NRL: variants seen among roughly 807,000 people sequenced by gnomAD.
NRL encodes neural retina-specific leucine zipper protein.
In NRL, 16 loss-of-function variants were observed where a neutral mutation model predicts 12.5. That is an observed-to-expected ratio of 1.28 (90% CI 0.87 to 1.95). NRL has a LOEUF of 1.95. Among genes scored for constraint, NRL ranks in the 30% most tolerant of loss-of-function variants. The pLI is 0.00. For missense variants in NRL, 314 were observed against 325.8 expected (o/e 0.96, Z 0.28); for synonymous variants, 142 against 150.9 (o/e 0.94, Z 0.43).
chr14:24,114,572 C>T (rs565325566), intron 1 of NRL, 150 bp downstream of exon 1: 2 of 644,962 alleles, frequency 3.1e-6, no homozygotes, highest in East Asian at 2.7e-4. Context: ...CTTTTTTAAG[C>T]CCCGCCTCTC....
chr14:24,113,600 G>A (rs955785737), intron 1 of NRL, among the ~76,000 whole-genome samples: 1 of 152,186 alleles, frequency 6.6e-6, no homozygotes, highest in Non-Finnish European at 1.5e-5. Flanking sequence ...AAAATACCAG[G>A]CACTTGCTTT....
chr14:24,103,050 T>C (rs2037227542), intron 1 of NRL: 20 of 1,193,598 alleles, frequency 1.7e-5, no homozygotes, highest in Non-Finnish European at 2.5e-5. Flanking sequence ...GGTCTGAAAA[T>C]GGGATAGCCG....
Position 24,079,079 on chromosome 14 carries a change from G to A in NRL, c.*2157C>T, listed in dbSNP as rs908573862. Among the ~76,000 whole-genome samples the A allele has an allele frequency of 2.0e-5, 3 of 152,236 alleles. No homozygotes were observed. The highest frequency in any genetic ancestry group is 3.4e-3 in the Middle Eastern group (1 of 294). On this transcript the variant is annotated 3_prime_UTR_variant, in exon 3 of 3. Coordinates refer to ENST00000561028, the MANE Select transcript of NRL (RefSeq NM_001354768.3). ...TGGGATTACAGGCAGGAACCACTGC[G>A]CCCCACCTAAAGCACTACTCTTAAT...
In NRL at chr14:24,094,537, C is replaced by A; in HGVS notation, c.-27-11662G>T. 1 of 1,441,276 alleles carries A rather than the reference C, an allele frequency of 6.9e-7. No individual in the cohort carries two copies. The highest frequency in any genetic ancestry group is 1.5e-5 in the South Asian group (1 of 68,850). The allele number at this position is 1,441,276 out of a possible 1,614,324, so 89.3% of individuals were successfully genotyped here. On this transcript the variant is annotated intron_variant, in intron 1 of 2. Coordinates refer to ENST00000561028, the MANE Select transcript of NRL (RefSeq NM_001354768.3). This position sits in a 1 kb window ranked among gnomAD's most constrained non-coding sequence, Gnocchi z 4.1. ...TGCTCTCAGCCTCCGCCAGGTTTCC[C>A]ATCCTAGGCGGAGGCGGGCAGGGGC... is the stretch of plus-strand genomic sequence containing the variant.
chr14:24,114,723 T>G lies in NRL; in HGVS notation c.-29A>C, dbSNP rs2037497474. The G allele has an allele frequency of 1.0e-6, 1 of 985,878 alleles. No individual in the cohort carries two copies. Among genetic ancestry groups the G allele is most frequent in the Admixed American group, 6.1e-5 (1 of 16,272 alleles). The allele number at this position is 985,878 out of a possible 1,614,324, so 61.1% of individuals were successfully genotyped here. A position where few individuals can be genotyped will look rare whatever the true frequency, so the allele number is the denominator to read the frequency against. On this transcript the variant is annotated splice_region_variant and 5_prime_UTR_variant, in exon 1 of 3. Transcript: ENST00000561028. Reference sequence around the variant, plus strand: ...CACCTCGCGCATTCTCCCGCCTACCTATCAATCATCGTGCTCCGCTGTCCA... The same window carrying G: ...CACCTCGCGCATTCTCCCGCCTACCGATCAATCATCGTGCTCCGCTGTCCA...
chr14:24,099,518 T>C lies in NRL; in HGVS notation c.-28+15204A>G, dbSNP rs968505082. ...CCCATGCAGACCATGCCCTGACTTTTGGTGACCTCTTTCTTATTCCCTCTC... is the reference window on the plus strand; with the variant it reads ...CCCATGCAGACCATGCCCTGACTTTCGGTGACCTCTTTCTTATTCCCTCTC... On this transcript the variant is annotated intron_variant, in intron 1 of 2. Transcript: ENST00000561028. The C allele has an allele frequency of 3.9e-6, 6 of 1,541,416 alleles. No individual in the cohort carries two copies. In the African/African-American group the frequency reaches 8.3e-5, roughly 21 times the overall value.
In NRL at chr14:24,098,177, C is replaced by A. The variant is rs200451953; in HGVS notation, c.-27-15302G>T. The A allele has an allele frequency of 6.1e-4, 951 of 1,570,714 alleles. 1 individual carries two copies. The highest frequency in any genetic ancestry group is 8.0e-4 in the Non-Finnish European group (921 of 1,153,402). ...ACAAGGGAAACCTGCTGGCCACCAT[C>A]TTCCTGACAATCCCCTCTCCCCCAG... On this transcript the variant is annotated intron_variant, in intron 1 of 2. Transcript: ENST00000561028.
chr14:24,089,340 T>C (rs911032512), intron 1 of NRL, among the ~76,000 whole-genome samples: 4 of 152,036 alleles, frequency 2.6e-5, no homozygotes, highest in Non-Finnish European at 5.9e-5. Flanking sequence ...CTTGAACTCC[T>C]GGGCTCAAGC....
In NRL at chr14:24,099,152, C is replaced by T; in HGVS notation, c.-28+15570G>A. ...CCTTCGGCAGCGGCTATGGTGGCAA[C>T]TCCCTGCTGGGCAAGAAGTGCTTTG... On this transcript the variant is annotated intron_variant, in intron 1 of 2. Transcript: ENST00000561028. 2.5e-6 allele frequency: 4 copies of T among 1,611,510 alleles called. No individual in the cohort carries two copies. Among genetic ancestry groups the T allele is most frequent in the Non-Finnish European group, 2.5e-6 (3 of 1,179,786 alleles).
intron 1 of NRL, among the ~76,000 whole-genome samples, chr14:24,105,790 T>C (rs1276049186): frequency 6.6e-6 from 1 of 152,162 alleles, no homozygotes; most frequent in Non-Finnish European, 1.5e-5. Context: ...TGATGGCAGG[T>C]GCCTGTAATC....
intron 1 of NRL, among the ~76,000 whole-genome samples, chr14:24,102,153 G>A (rs893491627): frequency 6.6e-6 from 1 of 152,144 alleles, no homozygotes; most frequent in Non-Finnish European, 1.5e-5. Flanking sequence ...GTTTGAACCT[G>A]GGAGGCGGAG....
chr14:24,106,463 C>T (rs907490243), intron 1 of NRL, among the ~76,000 whole-genome samples: 4 of 152,054 alleles, frequency 2.6e-5, no homozygotes, highest in African/African-American at 7.2e-5. Context: ...CAGCCAGGCG[C>T]GGTGGCTCAC....
chr14:24,113,797 G>C (rs2037467675), intron 1 of NRL, among the ~76,000 whole-genome samples: 1 of 152,204 alleles, frequency 6.6e-6, no homozygotes, highest in Non-Finnish European at 1.5e-5. Context: ...CCCCAGGAGG[G>C]CCCAAGAAGG....
chr14:24,092,003 C>T (rs988917992), intron 1 of NRL, among the ~76,000 whole-genome samples: 1 of 152,100 alleles, frequency 6.6e-6, no homozygotes, highest in African/African-American at 2.4e-5. Flanking sequence ...CTTGATTCTT[C>T]CCTTAGGGTG....
At chr14:24,099,435 C>T in intron 1 of NRL, 1 of 1,057,636 alleles carries the variant, frequency 9.5e-7, no homozygotes, top group East Asian at 2.4e-5. Flanking sequence ...GATGGCAGGG[C>T]AATCACTTAT....
At chr14:24,104,571 A>G (rs2037297699) in intron 1 of NRL, among the ~76,000 whole-genome samples, 2 of 150,760 alleles carry the variant, frequency 1.3e-5, no homozygotes, top group Admixed American at 1.3e-4. Context: ...CCCAGGAGGC[A>G]GAGGTTGCAG....
intron 1 of NRL, chr14:24,095,409 G>T (rs978276702): frequency 2.8e-6 from 1 of 362,928 alleles, no homozygotes; most frequent in Non-Finnish European, 5.5e-6. Flanking sequence ...CTGCCCCTGG[G>T]GCCACACTGA....
intron 1 of NRL, among the ~76,000 whole-genome samples, chr14:24,088,078 C>A (rs553201106): frequency 6.6e-6 from 1 of 152,204 alleles, no homozygotes; most frequent in East Asian, 1.9e-4. Flanking sequence ...GCAGGAGTGG[C>A]CCCTGCCCTG....
rs1359595533 is a variant in NRL, at chr14:24,080,243, T to A, written c.*993A>T. On this transcript the variant is annotated 3_prime_UTR_variant, in exon 3 of 3. Coordinates refer to ENST00000561028, the MANE Select transcript of NRL (RefSeq NM_001354768.3). ...CCCAGGAGAAGTCTCACCTCAGCCCTCAGAGAGGTGGGAGGTGGCAGGAGC... is the reference window on the plus strand; with the variant it reads ...CCCAGGAGAAGTCTCACCTCAGCCCACAGAGAGGTGGGAGGTGGCAGGAGC... The A allele has an allele frequency of 6.6e-6, 1 of 152,176 alleles. No individual in the cohort carries two copies. The highest frequency in any genetic ancestry group is 1.5e-5 in the Non-Finnish European group (1 of 68,034). The allele number at this position is 152,176 out of a possible 1,614,324, so 9.4% of individuals were successfully genotyped here. A position where few individuals can be genotyped will look rare whatever the true frequency, so the allele number is the denominator to read the frequency against.
Sources: allele counts gnomAD v4.1 joint callset (sites outside exome capture counted in the v4.1 genomes callset), GRCh38; gene constraint gnomAD v4.1.1; non-coding constraint Gnocchi (gnomAD v3.1); transcripts MANE v1.5; gene names NCBI Gene and HGNC (gene_info 2026-07-23, HGNC 2026-07-21).